The following RCOR1 variants were observed in gnomAD, a reference collection of about 807,000 sequenced individuals.
RCOR1 encodes the protein REST corepressor 1, also known as REST corepressor.
Under a neutral mutation model 64.0 loss-of-function variants are expected in RCOR1, and 12 were observed. That is an observed-to-expected ratio of 0.19 (90% CI 0.12 to 0.30). RCOR1 has a LOEUF of 0.30. RCOR1 is among the 10% of genes least tolerant of loss of function. The probability of loss-of-function intolerance (pLI) is 1.00; values close to 1 mark genes in which losing one functional copy is unlikely to be tolerated. For missense variants in RCOR1, 502 were observed against 621.2 expected, an observed-to-expected ratio of 0.81 and a Z score of 2.04; for synonymous variants, 279 against 227.2, an observed-to-expected ratio of 1.23 and a Z score of -2.05.
chr14:102,669,025 G>C (rs1894975399), intron 2 of RCOR1, among the ~76,000 whole-genome samples: 1 of 152,162 alleles, frequency 6.6e-6, no homozygotes, highest in Non-Finnish European at 1.5e-5. Context: ...GAGGTATATA[G>C]TTTGTAGAAA....
At chr14:102,653,295 T>G (rs2139931355) in intron 2 of RCOR1, among the ~76,000 whole-genome samples, 1 of 152,286 alleles carries the variant, frequency 6.6e-6, no homozygotes, top group South Asian at 2.1e-4. Flanking sequence ...CTTGCCTCAC[T>G]GGAGCCTCCG....
intron 2 of RCOR1, among the ~76,000 whole-genome samples, chr14:102,603,482 G>C (rs867908209): frequency 6.6e-6 from 1 of 152,020 alleles, no homozygotes; most frequent in African/African-American, 2.4e-5. Flanking sequence ...TTGCCACTAT[G>C]CCCAGCTAAT....
In RCOR1 at chr14:102,592,818, C is replaced by T. The variant is rs538758291; in HGVS notation, c.-69C>T. 1.0e-5 allele frequency: 12 copies of T among 1,176,132 alleles called. 1 individual carries two copies. In the African/African-American group the frequency reaches 1.6e-4, roughly 16 times the overall value. The allele number at this position is 1,176,132 out of a possible 1,614,324, so 72.9% of individuals were successfully genotyped here. The stretch of plus-strand genomic sequence containing the variant: ...CCCGCGCCGGCCCCGCGCCCCCTCC[C>T]CCGTCTCGGCGCCCCCTCCTCAGGA... On this transcript the variant is annotated 5_prime_UTR_variant, in exon 1 of 12. Transcript: ENST00000262241.
chr14:102,719,896 TGCATTTTTA>T (rs1896143475), intron 8 of RCOR1, among the ~76,000 whole-genome samples: 1 of 152,204 alleles, frequency 6.6e-6, no homozygotes, highest in African/African-American at 2.4e-5. Flanking sequence ...GTTGCTATGT[TGCATTTTTA>T]GCCAAAAAGG....
intron 2 of RCOR1, among the ~76,000 whole-genome samples, chr14:102,600,150 G>A (rs932313452): frequency 2.6e-5 from 4 of 152,004 alleles, no homozygotes; most frequent in East Asian, 1.9e-4. Flanking sequence ...GCAGTGGCGC[G>A]ATCTCAGCTC....
intron 2 of RCOR1, among the ~76,000 whole-genome samples, chr14:102,608,413 G>A (rs1893560024): frequency 6.6e-6 from 1 of 151,948 alleles, no homozygotes; most frequent in South Asian, 2.1e-4. Context: ...CTTTTGTTTT[G>A]TGTTGTTGTT....
At chr14:102,634,396 C>G (rs1894189100) in intron 2 of RCOR1, among the ~76,000 whole-genome samples, 1 of 151,914 alleles carries the variant, frequency 6.6e-6, no homozygotes, top group African/African-American at 2.4e-5. Flanking sequence ...AACCAACCAA[C>G]CCGCAAAACC....
intron 2 of RCOR1, chr14:102,655,204 G>C (rs1894698500): frequency 1.0e-6 from 1 of 969,546 alleles, no homozygotes; most frequent in South Asian, 4.8e-5. Context: ...AGATGCAAAA[G>C]GGTTATGCAC....
intron 2 of RCOR1, among the ~76,000 whole-genome samples, chr14:102,625,053 T>A (rs559033413): frequency 1.3e-5 from 2 of 151,962 alleles, no homozygotes; most frequent in African/African-American, 4.8e-5. Context: ...AAAAATTATT[T>A]TTGTAGAGAT....
chr14:102,643,580 C>T (rs1894417065), intron 2 of RCOR1, among the ~76,000 whole-genome samples: 1 of 152,140 alleles, frequency 6.6e-6, no homozygotes, highest in South Asian at 2.1e-4. Context: ...TTCAGAGGCC[C>T]AGGTGTGGTG....
chr14:102,653,927 CTTTCTTTCT>C lies in RCOR1; in HGVS notation c.362-27965_362-27957del, dbSNP rs1567423186. Among the ~76,000 whole-genome samples the C allele has an allele frequency of 4.1e-3, 89 of 21,724 alleles. 1 individual carries two copies. Among genetic ancestry groups the C allele is most frequent in the Non-Finnish European group, 6.2e-3 (70 of 11,270 alleles). 14.3% of individuals were successfully genotyped at this position (21,724 alleles called of 152,430 possible). On this transcript the variant is annotated intron_variant, in intron 2 of 11. Transcript: ENST00000262241. ...TCTCATCTCAGGTATTTCCTTCTTTCTTTCTTTCTTTCTTTCTTTCTTTCTTTCTTTCTT... is the reference window on the plus strand; with the variant it reads ...TCTCATCTCAGGTATTTCCTTCTTTCTTCTTTCTTTCTTTCTTTCTTTCTT...
Position 102,649,160 on chromosome 14 carries a change from C to G in RCOR1, c.362-32735C>G, listed in dbSNP as rs537552072. ...TGGGTGACAGAGTGAGACCCTGTCT[C>G]TTAACAAACATAAATTAAAAATCAG... On this transcript the variant is annotated intron_variant, in intron 2 of 11. Coordinates refer to ENST00000262241, the MANE Select transcript of RCOR1 (RefSeq NM_015156.4). 1.1e-3 allele frequency among the ~76,000 whole-genome samples: 165 copies of G among 152,126 alleles called. 1 individual carries two copies. The highest frequency in any genetic ancestry group is 3.9e-3 in the African/African-American group (161 of 41,512).
Position 102,696,404 on chromosome 14 carries a change from C to T in RCOR1, c.446-4874C>T, listed in dbSNP as rs865858046. Among the ~76,000 whole-genome samples the T allele has an allele frequency of 4.6e-5, 7 of 152,264 alleles. No individual in the cohort carries two copies. In the East Asian group the frequency reaches 7.7e-4, roughly 17 times the overall value. On this transcript the variant is annotated intron_variant, in intron 3 of 11. Coordinates refer to ENST00000262241, the MANE Select transcript of RCOR1 (RefSeq NM_015156.4). ...ACCTATGCTCTCCATAATGGTAAAA[C>T]GCAGTGGATGGATTCTTGTGCTTCT... is the stretch of plus-strand genomic sequence containing the variant.
intron 2 of RCOR1, among the ~76,000 whole-genome samples, chr14:102,598,807 C>T (rs181318005): frequency 1.3e-5 from 2 of 151,972 alleles, no homozygotes; most frequent in East Asian, 3.9e-4. Context: ...TGTGGCATTG[C>T]TTGGTAGTTA....
At chr14:102,689,258 A>G (rs1895483679) in intron 3 of RCOR1, among the ~76,000 whole-genome samples, 1 of 152,204 alleles carries the variant, frequency 6.6e-6, no homozygotes, top group African/African-American at 2.4e-5. Flanking sequence ...CTGTGGTCCA[A>G]GGGTCTTAAT....
Position 102,692,119 on chromosome 14 carries a change from T to G in RCOR1, c.446-9159T>G, listed in dbSNP as rs116577132. On this transcript the variant is annotated intron_variant, in intron 3 of 11. Transcript: ENST00000262241. Reference sequence around the variant, plus strand: ...TCATATACCAAGGAATTTTGCTGTTTTAGTTAGGTCTGTTAATGGCATTGG... The same window carrying G: ...TCATATACCAAGGAATTTTGCTGTTGTAGTTAGGTCTGTTAATGGCATTGG... 2.0e-3 allele frequency among the ~76,000 whole-genome samples: 298 copies of G among 152,336 alleles called. 3 individuals are homozygous for G. The highest frequency in any genetic ancestry group is 6.7e-3 in the African/African-American group (280 of 41,566).
At position 102,616,230 on chromosome 14, in the gene RCOR1, G is replaced by A. The variant is rs921560600; in HGVS notation, c.361+22905G>A. 1.1e-4 allele frequency among the ~76,000 whole-genome samples: 9 copies of A among 85,146 alleles called. No homozygotes were observed. The East Asian group carries it at 7.7e-3, about 73-fold the overall frequency. 55.9% of individuals were successfully genotyped at this position (85,146 alleles called of 152,430 possible). ...TATGTGTGTGTGTGTGTGTGTGTGTGTGTGTGTGTGTGTGTGTGTATGTGT... is the reference window on the plus strand; with the variant it reads ...TATGTGTGTGTGTGTGTGTGTGTGTATGTGTGTGTGTGTGTGTGTATGTGT... On this transcript the variant is annotated intron_variant, in intron 2 of 11. Transcript: ENST00000262241.
chr14:102,622,817 C>A (rs544751589), intron 2 of RCOR1, among the ~76,000 whole-genome samples: 1 of 152,132 alleles, frequency 6.6e-6, no homozygotes, highest in Non-Finnish European at 1.5e-5. Flanking sequence ...TCTCGCCTCC[C>A]TAAAAACACC....
At chr14:102,694,792 G>A (rs1895610997) in intron 3 of RCOR1, among the ~76,000 whole-genome samples, 1 of 152,190 alleles carries the variant, frequency 6.6e-6, no homozygotes, top group Non-Finnish European at 1.5e-5. Flanking sequence ...TCAGCGAGGT[G>A]TGATAACTCA....
Sources: allele counts gnomAD v4.1 joint callset (sites outside exome capture counted in the v4.1 genomes callset), GRCh38; gene constraint gnomAD v4.1.1; transcripts MANE v1.5; gene names NCBI Gene and HGNC (gene_info 2026-07-23, HGNC 2026-07-21).